CDH12: variants seen among roughly 807,000 people sequenced by gnomAD.
CDH12 encodes cadherin-12.
CDH12 carries 41 observed loss-of-function variants against 74.1 expected under a neutral mutation model. The ratio of observed to expected loss-of-function variants is 0.55; its 90% CI spans 0.43 to 0.72. The LOEUF is 0.72. CDH12 is among the 30% of genes least tolerant of loss of function. The pLI, the probability that CDH12 is intolerant of heterozygous loss-of-function variation, is 0.00. For missense variants in CDH12, 945 were observed against 977.2 expected (o/e 0.97, Z 0.44); for synonymous variants, 399 against 355.0 (o/e 1.12, Z -1.39).
At chr5:22,162,504 G>A (rs1280514116) in intron 4 of CDH12, among the ~76,000 whole-genome samples, 2 of 152,144 alleles carry the variant, frequency 1.3e-5, no homozygotes, top group Non-Finnish European at 2.9e-5. Context: ...GAACACTGGG[G>A]AGAATACAAC....
intron 6 of CDH12, among the ~76,000 whole-genome samples, chr5:21,894,797 A>G (rs1009382063): frequency 1.3e-5 from 2 of 152,116 alleles, no homozygotes; most frequent in Admixed American, 6.5e-5. Context: ...CAACACGAAA[A>G]GAAATCTAAC....
At chr5:22,783,974 A>G (rs1253654715) in intron 1 of CDH12, among the ~76,000 whole-genome samples, 2 of 152,014 alleles carry the variant, frequency 1.3e-5, no homozygotes, top group Non-Finnish European at 2.9e-5. Flanking sequence ...AATCAGAAAT[A>G]TATATTTATG....
intron 1 of CDH12, among the ~76,000 whole-genome samples, chr5:22,630,102 C>T (rs1306766222): frequency 6.6e-6 from 1 of 151,970 alleles, no homozygotes; most frequent in African/African-American, 2.4e-5. Flanking sequence ...TCAAAGAAAT[C>T]AGAGATAATA....
In CDH12 at chr5:21,860,015, T is replaced by TA. The variant is rs895838839; in HGVS notation, c.527-5226dup. Among the ~76,000 whole-genome samples the TA allele has an allele frequency of 4.0e-3, 583 of 146,596 alleles. 6 individuals are homozygous for TA. The highest frequency in any genetic ancestry group is 0.013 in the African/African-American group (528 of 40,112). On this transcript the variant is annotated intron_variant, in intron 6 of 14. Transcript: ENST00000382254. ...TGAAGGTTTGGGTCACTCCACCAGG[T>TA]AAAAAAAAAACATGACCTGCTGAGG...
intron 3 of CDH12, among the ~76,000 whole-genome samples, chr5:22,236,944 G>A (rs1752579927): frequency 6.9e-6 from 1 of 145,254 alleles, no homozygotes; most frequent in African/African-American, 2.5e-5. Flanking sequence ...GGCCCTGCTT[G>A]AGGCTGTTTT....
intron 3 of CDH12, among the ~76,000 whole-genome samples, chr5:22,245,533 CA>C (rs1221800787): frequency 6.6e-6 from 1 of 151,740 alleles, no homozygotes; most frequent in East Asian, 1.9e-4. Flanking sequence ...ATCAAAGATA[CA>C]AATGATAGGG....
At chr5:22,580,610 G>T (rs1001491804) in intron 1 of CDH12, 37 of 485,682 alleles carry the variant, frequency 7.6e-5, no homozygotes, top group Non-Finnish European at 1.4e-4. Context: ...TAATCCTGAA[G>T]TACATACCCC....
At chr5:22,049,263 AC>A (rs1740180840) in intron 5 of CDH12, among the ~76,000 whole-genome samples, 1 of 151,018 alleles carries the variant, frequency 6.6e-6, no homozygotes, top group Admixed American at 6.6e-5. Context: ...AGCAACTCTT[AC>A]AAAATTATTT....
chr5:22,151,575 T>C (rs553840588), intron 4 of CDH12, among the ~76,000 whole-genome samples: 1 of 152,278 alleles, frequency 6.6e-6, no homozygotes, highest in South Asian at 2.1e-4. Context: ...TTTTGTTCCC[T>C]GAGCAGTGAA....
At chr5:21,880,616 C>CTTCCTTCCTTCTTTCTCTCTTTCTTTCT (rs758455941) in intron 6 of CDH12, among the ~76,000 whole-genome samples, 2 of 50,866 alleles carry the variant, frequency 3.9e-5, no homozygotes, top group African/African-American at 1.8e-4. Flanking sequence ...TCCTTCCTTC[C>CTTCCTTCCTTCTTTCTCTCTTTCTTTCT]TTCTTTCTTT....
intron 1 of CDH12, among the ~76,000 whole-genome samples, chr5:22,606,325 G>T (rs1414296006): frequency 1.3e-5 from 2 of 152,146 alleles, no homozygotes; most frequent in African/African-American, 2.4e-5. Flanking sequence ...CATCTCATGG[G>T]TGTCACTGCT....
intron 5 of CDH12, among the ~76,000 whole-genome samples, chr5:22,031,716 A>C (rs923517520): frequency 6.6e-6 from 1 of 152,214 alleles, no homozygotes; most frequent in Non-Finnish European, 1.5e-5. Context: ...ACCAGAGGAG[A>C]AGGAGAGAGA....
chr5:21,802,025 T>C (rs971773411), intron 10 of CDH12, 142 bp downstream of exon 10: 5 of 721,368 alleles, frequency 6.9e-6, no homozygotes, highest in South Asian at 2.0e-5. Flanking sequence ...TCTATTCTTA[T>C]GTAAAGTCAT....
rs1362879098 is a variant in CDH12, at chr5:22,029,344, C to A, written c.231+49102G>T. 3.3e-5 allele frequency among the ~76,000 whole-genome samples: 5 copies of A among 152,052 alleles called. No individual in the cohort carries two copies. In the East Asian group the frequency reaches 7.8e-4, roughly 24 times the overall value. On this transcript the variant is annotated intron_variant, in intron 5 of 14. Transcript: ENST00000382254. Reference sequence around the variant, plus strand: ...ACAGGCAACCCACAAAATGGGAGAACATTTTTGCAACCTACTCATCTGACA... The same window carrying A: ...ACAGGCAACCCACAAAATGGGAGAAAATTTTTGCAACCTACTCATCTGACA...
intron 1 of CDH12, among the ~76,000 whole-genome samples, chr5:22,771,870 C>A (rs1039159722): frequency 1.1e-4 from 16 of 152,026 alleles, no homozygotes; most frequent in Non-Finnish European, 4.4e-5. Flanking sequence ...CCAACCTTTG[C>A]AATTAGGTTA....
At chr5:22,623,828 T>C (rs1738118806) in intron 1 of CDH12, among the ~76,000 whole-genome samples, 1 of 152,122 alleles carries the variant, frequency 6.6e-6, no homozygotes, top group African/African-American at 2.4e-5. Context: ...AAAGTTCATA[T>C]GGAACCAAAA....
At chr5:21,878,745 C>G (rs1752070754) in intron 6 of CDH12, among the ~76,000 whole-genome samples, 1 of 140,148 alleles carries the variant, frequency 7.1e-6, no homozygotes, top group Non-Finnish European at 1.5e-5. Context: ...CAGTAAGAGA[C>G]CCTGTTGAAA....
At chr5:22,427,535 G>A (rs1399291340) in intron 2 of CDH12, among the ~76,000 whole-genome samples, 1 of 152,138 alleles carries the variant, frequency 6.6e-6, no homozygotes, top group Non-Finnish European at 1.5e-5. Flanking sequence ...ACAGAGCTGT[G>A]TTCTATTTGC....
chr5:22,529,422 G>T (rs1459201392), intron 1 of CDH12, among the ~76,000 whole-genome samples: 1 of 151,850 alleles, frequency 6.6e-6, no homozygotes, highest in East Asian at 1.9e-4. Context: ...GATCCAGAAA[G>T]AGCTAATGTT....
Sources: gnomAD v4.1 joint callset for allele counts (sites outside exome capture counted in the v4.1 genomes callset) on GRCh38, gnomAD v4.1.1 for gene constraint, MANE v1.5 for transcripts, NCBI Gene and HGNC (gene_info 2026-07-23, HGNC 2026-07-21) for gene names.